ERGIC3: variants seen among roughly 807,000 people sequenced by gnomAD.
The protein encoded by ERGIC3 is endoplasmic reticulum-Golgi intermediate compartment protein 3.
In ERGIC3, 33 loss-of-function variants were observed where a neutral mutation model predicts 54.7. That is an observed-to-expected ratio of 0.60 (90% CI 0.46 to 0.81). ERGIC3 has a LOEUF of 0.81. Among genes scored for constraint, ERGIC3 ranks in the 30% least tolerant of loss-of-function variants. The pLI, the probability that ERGIC3 is intolerant of heterozygous loss-of-function variation, is 0.00. For synonymous variants in ERGIC3, 186 were observed against 189.8 expected, an observed-to-expected ratio of 0.98 and a Z score of 0.16; for missense variants, 399 against 488.4, an observed-to-expected ratio of 0.82 and a Z score of 1.73.
chr20:35,548,579 A>G lies in ERGIC3; in HGVS notation c.532A>G (p.Thr178Ala), dbSNP rs778119325. The G allele has an allele frequency of 2.5e-6, 4 of 1,614,120 alleles. No homozygotes were observed. The highest frequency in any genetic ancestry group is 3.3e-5 in the Admixed American group (2 of 60,004). The change falls in exon 6 of 13, where the codon ACT becomes GCT. Residue 178 changes from threonine to alanine, a missense_variant. Thr to Ala is a moderately conservative substitution (Grantham distance 58). Transcript: ENST00000348547. ...RRGWAFKNPD[T>A]IEQCRREGFS... ...AGGCTGGGCCTTCAAGAACCCAGATACTATTGAGCAGTGCCGGCGAGAGGG... is the reference window on the plus strand; with the variant it reads ...AGGCTGGGCCTTCAAGAACCCAGATGCTATTGAGCAGTGCCGGCGAGAGGG...
At chr20:35,545,194 T>C (rs969434668) in intron 4 of ERGIC3, 1 of 152,260 alleles carries the variant, frequency 6.6e-6, no homozygotes, top group Non-Finnish European at 1.5e-5. Flanking sequence ...GTTGCTTGTG[T>C]GTCCTTGTAT....
rs1184760237 is a variant in ERGIC3, at chr20:35,550,701, T to C, written c.685+1836T>C. 2.0e-5 allele frequency among the ~76,000 whole-genome samples: 3 copies of C among 152,190 alleles called. No homozygotes were observed. In the East Asian group the frequency reaches 5.8e-4, roughly 29 times the overall value. ...ATTGTAGGGACTCGGGCCGTTACTC[T>C]GCATGAGATGAGAAGCCATTGTAGG... On this transcript the variant is annotated intron_variant, in intron 7 of 12. Coordinates refer to ENST00000348547, the MANE Select transcript of ERGIC3 (RefSeq NM_015966.3).
In ERGIC3 at chr20:35,546,017, C is replaced by T. The variant is rs960464126; in HGVS notation, c.368-1395C>T. Among the ~76,000 whole-genome samples the T allele has an allele frequency of 1.1e-4, 16 of 152,158 alleles. 1 individual carries two copies. Among genetic ancestry groups the T allele is most frequent in the African/African-American group, 3.6e-4 (15 of 41,510 alleles). On this transcript the variant is annotated intron_variant, in intron 4 of 12. Coordinates refer to ENST00000348547, the MANE Select transcript of ERGIC3 (RefSeq NM_015966.3). The stretch of plus-strand genomic sequence containing the variant: ...GTCAGGACAGGAAGGAAGATTGGGA[C>T]GGATTAGCCATTGACGTAGAAGAAC...
Position 35,542,095 on chromosome 20 carries a change from C to A in ERGIC3, c.-3C>A, listed in dbSNP as rs753572409. The A allele has an allele frequency of 4.6e-6, 7 of 1,535,750 alleles. No individual in the cohort carries two copies. The highest frequency in any genetic ancestry group is 6.1e-6 in the Non-Finnish European group (7 of 1,142,842). The stretch of plus-strand genomic sequence containing the variant: ...GCTGGCGTCCCCTTTCCGGCCGGTC[C>A]CCATGGAGGCGCTGGGGAAGCTGAA... On this transcript the variant is annotated 5_prime_UTR_variant, in exon 1 of 13. Transcript: ENST00000348547.
In ERGIC3 at chr20:35,542,489, C is replaced by G. The variant is rs767473008; in HGVS notation, c.160-24C>G. 2.5e-6 allele frequency: 4 copies of G among 1,613,938 alleles called. No individual in the cohort carries two copies. In the South Asian group the frequency reaches 4.4e-5, roughly 18 times the overall value. On this transcript the variant is annotated intron_variant, in intron 2 of 12. Transcript: ENST00000348547. ...GGGAAGGAGAGGTTTGGGGCTAAGT[C>G]TTACTGAGGTAGCGCTGCCCCAGGT...
chr20:35,542,154 C>T lies in ERGIC3; in HGVS notation c.57C>T (p.Asp19=), dbSNP rs1344361931. 6.3e-7 allele frequency: 1 copy of T among 1,576,918 alleles called. No individual in the cohort carries two copies. The highest frequency in any genetic ancestry group is 1.4e-5 in the African/African-American group (1 of 73,866). The change falls in exon 1 of 13, where the codon GAC becomes GAT. Residue 19 remains aspartate, a synonymous_variant. Coordinates refer to ENST00000348547, the MANE Select transcript of ERGIC3 (RefSeq NM_015966.3). Reference sequence around the variant, plus strand: ...ATGCCTACCCCAAGACTTTGGAGGACTTCCGGGTCAAGACCTGCGGGGGCG... The same window carrying T: ...ATGCCTACCCCAAGACTTTGGAGGATTTCCGGGTCAAGACCTGCGGGGGCG... ...QFDAYPKTLE[D]FRVKTCGGAT...
intron 8 of ERGIC3, 92 bp from the exon 9 acceptor site, chr20:35,555,941 C>T: frequency 8.2e-7 from 1 of 1,219,596 alleles, no homozygotes; most frequent in Non-Finnish European, 1.2e-6. Flanking sequence ...ATAGCCTCCC[C>T]TTCCTCCCAC....
At chr20:35,545,741 A>G (rs895517008) in intron 4 of ERGIC3, among the ~76,000 whole-genome samples, 1 of 152,166 alleles carries the variant, frequency 6.6e-6, no homozygotes, top group Non-Finnish European at 1.5e-5. Flanking sequence ...CATCTTGGAA[A>G]CTAGCTTCCA....
intron 7 of ERGIC3, among the ~76,000 whole-genome samples, chr20:35,550,381 C>T (rs1346186894): frequency 1.6e-4 from 25 of 151,828 alleles, no homozygotes; most frequent in Admixed American, 1.4e-3. Context: ...TTTGGGAGGC[C>T]GAGGCGGGTG....
chr20:35,542,469 GGA>G lies in ERGIC3; in HGVS notation c.160-40_160-39del, dbSNP rs780081611. 3.7e-5 allele frequency: 59 copies of G among 1,613,862 alleles called. 1 individual carries two copies. In the Admixed American group the frequency reaches 6.0e-4, roughly 16 times the overall value. On this transcript the variant is annotated intron_variant, in intron 2 of 12. Coordinates refer to ENST00000348547, the MANE Select transcript of ERGIC3 (RefSeq NM_015966.3). Reference sequence around the variant, plus strand: ...GACCTTTAGGGGTGGGAGTGGGGAAGGAGAGGTTTGGGGCTAAGTCTTACTGA... The same window carrying G: ...GACCTTTAGGGGTGGGAGTGGGGAAGGAGGTTTGGGGCTAAGTCTTACTGA...
intron 7 of ERGIC3, among the ~76,000 whole-genome samples, chr20:35,553,565 G>GTTCACTTCAA: frequency 6.6e-6 from 1 of 151,938 alleles, no homozygotes; most frequent in Non-Finnish European, 1.5e-5. Context: ...TATGAAGATG[G>GTTCACTTCAA]CCTCTCAAAA....
At chr20:35,543,392 C>T (rs2064628331) in intron 4 of ERGIC3, 1 of 340,082 alleles carries the variant, frequency 2.9e-6, no homozygotes, top group Non-Finnish European at 5.8e-6. Context: ...CTAGCTTTGT[C>T]TCCTGCAGTC....
At chr20:35,550,258 C>T (rs1320377177) in intron 7 of ERGIC3, among the ~76,000 whole-genome samples, 2 of 151,960 alleles carry the variant, frequency 1.3e-5, no homozygotes, top group African/African-American at 4.8e-5. Context: ...CTAGAATGTG[C>T]TTGGCAAGTT....
chr20:35,557,467 C>T lies in ERGIC3; in HGVS notation c.1115C>T (p.Ala372Val). The T allele has an allele frequency of 6.2e-7, 1 of 1,614,138 alleles. No individual in the cohort carries two copies. The change falls in exon 13 of 13, where the codon GCC becomes GTC. Residue 372 changes from alanine (A) to valine (V), a missense_variant. Ala to Val is a moderately conservative substitution (Grantham distance 64, BLOSUM62 0). Transcript: ENST00000348547. Reference sequence around the variant, plus strand: ...TCGCTCATCTACCACTCAGCACGAGCCATCCAGAAGAAAATTGATCTAGGG... The same window carrying T: ...TCGCTCATCTACCACTCAGCACGAGTCATCCAGAAGAAAATTGATCTAGGG... ...IDSLIYHSARAIQKKIDLGKT... is the reference protein window; with the variant it reads ...IDSLIYHSARVIQKKIDLGKT...
At chr20:35,542,416 T>G (rs2147301264) in intron 2 of ERGIC3, 23 bp downstream of exon 2, 2 of 1,613,604 alleles carry the variant, frequency 1.2e-6, no homozygotes, top group Non-Finnish European at 8.5e-7. Context: ...GCTTAGTGCG[T>G]GGGCGGGGCT....
At chr20:35,554,264 C>A in intron 7 of ERGIC3, 2 of 1,427,632 alleles carry the variant, frequency 1.4e-6, no homozygotes, top group Non-Finnish European at 2.0e-6. Flanking sequence ...GACTGTGTTG[C>A]TGAGGCTGAA....
chr20:35,542,220 G>C (rs1207890037), intron 1 of ERGIC3, 35 bp downstream of exon 1: 1 of 1,591,508 alleles, frequency 6.3e-7, no homozygotes, highest in South Asian at 1.1e-5. Flanking sequence ...GCGTGGAGGG[G>C]GGCGTCCTAG....
intron 4 of ERGIC3, among the ~76,000 whole-genome samples, chr20:35,546,665 A>G (rs2064650552): frequency 6.6e-6 from 1 of 152,210 alleles, no homozygotes; most frequent in Non-Finnish European, 1.5e-5. Context: ...ACAGTGGACC[A>G]TGGGATTTCA....
chr20:35,556,879 T>C, intron 10 of ERGIC3, 94 bp from the exon 11 acceptor site: 1 of 1,566,194 alleles, frequency 6.4e-7, no homozygotes, highest in South Asian at 1.1e-5. Flanking sequence ...CGGCCAAGGC[T>C]CAACAGGAAA....
Sources: allele counts gnomAD v4.1 joint callset (sites outside exome capture counted in the v4.1 genomes callset), GRCh38; gene constraint gnomAD v4.1.1; transcripts MANE v1.5; gene names NCBI Gene and HGNC (gene_info 2026-07-23, HGNC 2026-07-21).